ATF7IP: variants seen among roughly 807,000 people sequenced by gnomAD.
ATF7IP encodes the protein activating transcription factor 7 interacting protein.
Under a neutral mutation model 106.4 loss-of-function variants are expected in ATF7IP, and 23 were observed. The observed-to-expected ratio is 0.22, with a 90% CI of 0.16 to 0.31. ATF7IP has a LOEUF of 0.31. Ranked by LOEUF, ATF7IP falls within the 10% of genes least tolerant of loss-of-function variation. ATF7IP has a pLI of 1.00. For missense variants in ATF7IP, 1,334 were observed against 1,524.3 expected (o/e 0.88, Z 2.08); for synonymous variants, 542 against 539.0 (o/e 1.01, Z -0.08).
At chr12:14,492,854 T>C (rs1008864065) in intron 13 of ATF7IP, among the ~76,000 whole-genome samples, 5 of 151,720 alleles carry the variant, frequency 3.3e-5, no homozygotes, top group Admixed American at 2.0e-4. Context: ...ATCTGACATA[T>C]AGAGTCGAGC....
chr12:14,379,779 A>G (rs1224419697), intron 1 of ATF7IP, among the ~76,000 whole-genome samples: 1 of 152,196 alleles, frequency 6.6e-6, no homozygotes, highest in East Asian at 1.9e-4. Flanking sequence ...CCACTGAGAA[A>G]TCTGAAGCCA....
chr12:14,433,071 C>A (rs1316491641), intron 2 of ATF7IP, among the ~76,000 whole-genome samples: 1 of 152,056 alleles, frequency 6.6e-6, no homozygotes, highest in Non-Finnish European at 1.5e-5. Context: ...ATGACTCATG[C>A]AAATTAACCC....
At chr12:14,373,005 A>C (rs746489358) in intron 1 of ATF7IP, among the ~76,000 whole-genome samples, 1 of 152,176 alleles carries the variant, frequency 6.6e-6, no homozygotes, top group Non-Finnish European at 1.5e-5. Flanking sequence ...TAAAGCTAAA[A>C]AGATGGAAAG....
intron 1 of ATF7IP, among the ~76,000 whole-genome samples, chr12:14,377,609 C>CCTTT (rs1184982787): frequency 1.3e-5 from 2 of 151,188 alleles, no homozygotes; most frequent in Admixed American, 6.7e-5. Flanking sequence ...CCGCGCCCGG[C>CCTTT]CTTTCTTTCT....
chr12:14,394,026 C>T (rs922147797), intron 1 of ATF7IP, among the ~76,000 whole-genome samples: 4 of 152,124 alleles, frequency 2.6e-5, no homozygotes, highest in African/African-American at 9.7e-5. Context: ...TTTTTATACT[C>T]AGCACATGCT....
At chr12:14,466,729 C>A (rs1591926104) in intron 10 of ATF7IP, 139 bp downstream of exon 10, 1 of 696,994 alleles carries the variant, frequency 1.4e-6, no homozygotes, top group Non-Finnish European at 2.4e-6. Flanking sequence ...CACAGCTTCT[C>A]TGTAATGTTT....
At chr12:14,421,933 T>A (rs1038967033) in intron 1 of ATF7IP, among the ~76,000 whole-genome samples, 2 of 152,160 alleles carry the variant, frequency 1.3e-5, no homozygotes, top group African/African-American at 4.8e-5. Flanking sequence ...TTAAGAAACC[T>A]ACTTCTAAAT....
At chr12:14,465,921 T>G (rs1943814741) in intron 9 of ATF7IP, among the ~76,000 whole-genome samples, 1 of 152,154 alleles carries the variant, frequency 6.6e-6, no homozygotes, top group African/African-American at 2.4e-5. Flanking sequence ...GCAAAAAACC[T>G]TTGATAAAAT....
intron 1 of ATF7IP, among the ~76,000 whole-genome samples, chr12:14,376,791 T>C (rs79821755): frequency 0.048 from 7,304 of 152,258 alleles, 189 homozygotes; most frequent in Non-Finnish European, 0.06. Context: ...TTAGTAGGCA[T>C]GATTTCTATA....
chr12:14,468,885 A>G (rs1056327647), intron 10 of ATF7IP, among the ~76,000 whole-genome samples: 4 of 152,208 alleles, frequency 2.6e-5, no homozygotes. Flanking sequence ...ATGTTACACT[A>G]TTGACTAAGA....
intron 13 of ATF7IP, among the ~76,000 whole-genome samples, chr12:14,486,462 C>A (rs1432259353): frequency 1.3e-5 from 2 of 152,134 alleles, no homozygotes; most frequent in African/African-American, 4.8e-5. Context: ...GAGGCCTCCC[C>A]TTCATTCAAG....
At chr12:14,395,767 T>A (rs890114271) in intron 1 of ATF7IP, among the ~76,000 whole-genome samples, 10 of 152,110 alleles carry the variant, frequency 6.6e-5, no homozygotes, top group African/African-American at 2.4e-4. Context: ...ACATATAACT[T>A]GGTCAATTTT....
At chr12:14,434,511 C>T in intron 3 of ATF7IP, 88 bp downstream of exon 3, 1 of 909,708 alleles carries the variant, frequency 1.1e-6, no homozygotes, top group South Asian at 1.6e-5. Flanking sequence ...TCTTTTTTGC[C>T]CATGAAATAA....
chr12:14,495,948 CTT>C (rs1944998483), intron 13 of ATF7IP, among the ~76,000 whole-genome samples: 1 of 152,084 alleles, frequency 6.6e-6, no homozygotes, highest in Non-Finnish European at 1.5e-5. Flanking sequence ...GTGTTTTTCT[CTT>C]TATTTTCTCA....
At chr12:14,483,793 C>G (rs1462309021) in intron 13 of ATF7IP, among the ~76,000 whole-genome samples, 2 of 152,046 alleles carry the variant, frequency 1.3e-5, no homozygotes, top group African/African-American at 2.4e-5. Context: ...CTTCAAAAGG[C>G]CATTCCTTTT....
rs539518134 is a variant in ATF7IP at position 14,382,010 on chromosome 12, G to A, written c.-8+16183G>A. On this transcript the variant is annotated intron_variant, in intron 1 of 14. Transcript: ENST00000261168. Reference sequence around the variant, plus strand: ...AAAAAAAAAATTGAATGCAGCCTGGGCAACATAGTGAGACATTATCTCTAC... The same window carrying A: ...AAAAAAAAAATTGAATGCAGCCTGGACAACATAGTGAGACATTATCTCTAC... Among the ~76,000 whole-genome samples the A allele has an allele frequency of 4.6e-5, 7 of 152,180 alleles. No individual in the cohort carries two copies. In the South Asian group the frequency reaches 1.5e-3, roughly 32 times the overall value.
intron 2 of ATF7IP, among the ~76,000 whole-genome samples, chr12:14,431,810 G>A (rs1942155181): frequency 6.6e-6 from 1 of 152,142 alleles, no homozygotes; most frequent in Non-Finnish European, 1.5e-5. Context: ...ACTCTGGGTT[G>A]AAGGAGACCC....
intron 1 of ATF7IP, among the ~76,000 whole-genome samples, chr12:14,387,656 C>A (rs1352304946): frequency 6.6e-6 from 1 of 152,142 alleles, no homozygotes; most frequent in Non-Finnish European, 1.5e-5. Context: ...TGCTGTGTTG[C>A]ATTTTTGCAA....
chr12:14,423,007 A>T (rs1028340007), intron 1 of ATF7IP, among the ~76,000 whole-genome samples: 1 of 152,066 alleles, frequency 6.6e-6, no homozygotes. Flanking sequence ...TTGCAATCCC[A>T]CTATCATTGT....
Sources: allele counts gnomAD v4.1 joint callset (sites outside exome capture counted in the v4.1 genomes callset), GRCh38; gene constraint gnomAD v4.1.1; transcripts MANE v1.5; gene names NCBI Gene and HGNC (gene_info 2026-07-23, HGNC 2026-07-21).